The following BRD7 variants were observed in gnomAD, a reference collection of about 807,000 sequenced individuals.
BRD7 encodes the protein bromodomain-containing protein 7.
BRD7 carries 15 observed loss-of-function variants against 82.1 expected under a neutral mutation model. The observed-to-expected ratio is 0.18, with a 90% CI of 0.12 to 0.28. The LOEUF is 0.28. BRD7 is among the 10% of genes least tolerant of loss of function. The probability of loss-of-function intolerance (pLI) is 1.00; values close to 1 mark genes in which losing one functional copy is unlikely to be tolerated. For synonymous variants in BRD7, 232 were observed against 266.9 expected, an observed-to-expected ratio of 0.87 and a Z score of 1.27; for missense variants, 638 against 779.9, an observed-to-expected ratio of 0.82 and a Z score of 2.17.
chr16:50,326,833 G>A (rs935342854), intron 9 of BRD7, among the ~76,000 whole-genome samples: 1 of 152,186 alleles, frequency 6.6e-6, no homozygotes, highest in African/African-American at 2.4e-5. Context: ...CATACTTTTA[G>A]TGCAACGAGA....
chr16:50,359,191 G>A (rs990558866), intron 2 of BRD7, among the ~76,000 whole-genome samples: 11 of 152,180 alleles, frequency 7.2e-5, no homozygotes, highest in African/African-American at 2.7e-4. Flanking sequence ...TTAACTTTAG[G>A]TAGTTAAGGA....
intron 8 of BRD7, among the ~76,000 whole-genome samples, chr16:50,329,837 T>C (rs532287478): frequency 6.6e-6 from 1 of 152,348 alleles, no homozygotes; most frequent in South Asian, 2.1e-4. Flanking sequence ...TATATTCAAA[T>C]GTCGGCTCAG....
chr16:50,330,336 ACTTTTT>A (rs1251699771), intron 8 of BRD7, among the ~76,000 whole-genome samples: 18 of 139,744 alleles, frequency 1.3e-4, no homozygotes, highest in Non-Finnish European at 1.7e-4. Flanking sequence ...AAAAGAGGAC[ACTTTTT>A]TTTTTTTTTT....
At chr16:50,337,511 C>T (rs1272477382) in intron 6 of BRD7, among the ~76,000 whole-genome samples, 12 of 152,104 alleles carry the variant, frequency 7.9e-5, no homozygotes, top group Admixed American at 7.9e-4. Context: ...CCGCCCACCT[C>T]AGCCTCCCAA....
intron 7 of BRD7, among the ~76,000 whole-genome samples, chr16:50,333,990 G>A (rs571297555): frequency 2.0e-5 from 3 of 152,306 alleles, no homozygotes; most frequent in African/African-American, 7.2e-5. Flanking sequence ...ACTTTGAAGG[G>A]AGAACAATAT....
chr16:50,322,622 T>G (rs2037167697), intron 12 of BRD7, among the ~76,000 whole-genome samples: 1 of 152,174 alleles, frequency 6.6e-6, no homozygotes, highest in African/African-American at 2.4e-5. Flanking sequence ...ATATGTAACT[T>G]TTGTATTTTT....
At chr16:50,328,169 T>C (rs1416628382) in intron 9 of BRD7, among the ~76,000 whole-genome samples, 2 of 152,204 alleles carry the variant, frequency 1.3e-5, no homozygotes, top group Non-Finnish European at 2.9e-5. Context: ...AAAATATGAC[T>C]GAGGTTCTAA....
chr16:50,332,982 AG>A (rs1375616269), intron 8 of BRD7, among the ~76,000 whole-genome samples: 1 of 151,998 alleles, frequency 6.6e-6, no homozygotes, highest in African/African-American at 2.4e-5. Flanking sequence ...AAATGCTAAA[AG>A]GGGGCAGGGA....
At chr16:50,350,298 T>C in intron 4 of BRD7, 131 bp from the exon 5 acceptor site, 1 of 619,964 alleles carries the variant, frequency 1.6e-6, no homozygotes, top group Non-Finnish European at 2.4e-6. Context: ...TATTTTTAAC[T>C]GAAAACTGAA....
chr16:50,351,911 G>C (rs1380801772), intron 4 of BRD7, among the ~76,000 whole-genome samples: 1 of 148,786 alleles, frequency 6.7e-6, no homozygotes, highest in African/African-American at 2.5e-5. Flanking sequence ...CCAAACACTT[G>C]TTATTTCTTT....
intron 2 of BRD7, among the ~76,000 whole-genome samples, chr16:50,367,610 C>T (rs770535110): frequency 6.6e-6 from 1 of 152,220 alleles, no homozygotes; most frequent in African/African-American, 2.4e-5. Context: ...GAATATCAAT[C>T]TCCATTACAG....
intron 2 of BRD7, among the ~76,000 whole-genome samples, chr16:50,359,272 T>C (rs563876957): frequency 6.6e-6 from 1 of 152,336 alleles, no homozygotes; most frequent in South Asian, 2.1e-4. Flanking sequence ...GACAAAGCTA[T>C]GATATGGATA....
Position 50,334,766 on chromosome 16 carries a change from C to A in BRD7, c.832G>T (p.Asp278Tyr), listed in dbSNP as rs757480294. The change falls in exon 7 of 17, where the codon GAC becomes TAC. Residue 278 changes from aspartate (D) to tyrosine (Y), a missense_variant. Physicochemically the swap from Asp to Tyr is radical, Grantham distance 160 (BLOSUM62 -3). This residue lies in a region of BRD7 where 402 missense variants were observed against 500.8 expected (regional missense o/e 0.80). Coordinates refer to ENST00000394688, the MANE Select transcript of BRD7 (RefSeq NM_013263.5). ...DGGCWQREREDSGDAEAHAFK... is the reference protein window; with the variant it reads ...DGGCWQREREYSGDAEAHAFK... ...GCGTGTGCTTCGGCATCTCCAGAGT[C>A]CTCTCTCTCTCTCTGCCAGCAGCCT... 1 of 1,541,234 alleles carries A rather than the reference C, an allele frequency of 6.5e-7. No homozygotes were observed. The highest frequency in any genetic ancestry group is 1.2e-5 in the South Asian group (1 of 85,594).
intron 4 of BRD7, among the ~76,000 whole-genome samples, chr16:50,351,803 CAT>C (rs546953238): frequency 1.3e-5 from 2 of 151,968 alleles, no homozygotes; most frequent in Non-Finnish European, 2.9e-5. Context: ...TACTAACATA[CAT>C]ATATACAAGG....
chr16:50,354,507 G>C (rs762245635), intron 3 of BRD7, 25 bp from the exon 4 acceptor site: 7 of 1,592,652 alleles, frequency 4.4e-6, no homozygotes, highest in East Asian at 4.5e-5. Flanking sequence ...AAGGGAAAAG[G>C]GTATTTTAAA....
chr16:50,324,768 G>C (rs974222192), intron 11 of BRD7, among the ~76,000 whole-genome samples: 2 of 152,204 alleles, frequency 1.3e-5, no homozygotes, highest in African/African-American at 4.8e-5. Context: ...TTTCTCCAAA[G>C]CACTTGTCAT....
chr16:50,368,666 G>A (rs528349340), intron 1 of BRD7, 60 bp downstream of exon 1: 18 of 1,520,452 alleles, frequency 1.2e-5, no homozygotes, highest in South Asian at 8.3e-5. Flanking sequence ...CACTGGGAAA[G>A]AGCGGAAGCC....
intron 13 of BRD7, 85 bp from the exon 14 acceptor site, chr16:50,320,859 T>C: frequency 1.1e-6 from 1 of 898,828 alleles, no homozygotes; most frequent in Non-Finnish European, 1.8e-6. Flanking sequence ...TGGCATGTAT[T>C]TACAGGCAAA....
At chr16:50,345,317 C>T (rs2038235026) in intron 5 of BRD7, among the ~76,000 whole-genome samples, 1 of 152,098 alleles carries the variant, frequency 6.6e-6, no homozygotes, top group Admixed American at 6.5e-5. Context: ...CAAAAACAGG[C>T]CAAATTGTAA....
Sources: allele counts gnomAD v4.1 joint callset (sites outside exome capture counted in the v4.1 genomes callset), GRCh38; gene constraint gnomAD v4.1.1; regional missense constraint gnomAD v4.1.1; transcripts MANE v1.5; gene names NCBI Gene and HGNC (gene_info 2026-07-23, HGNC 2026-07-21).